SRPK2: variants seen among roughly 807,000 people sequenced by gnomAD.
SRPK2 encodes the protein SFRS protein kinase 2.
In SRPK2, 21 loss-of-function variants were observed where a neutral mutation model predicts 90.8. The ratio of observed to expected loss-of-function variants is 0.23; its 90% CI spans 0.16 to 0.33. SRPK2 has a LOEUF of 0.33. Among genes scored for constraint, SRPK2 ranks in the 10% least tolerant of loss-of-function variants. The pLI, the probability that SRPK2 is intolerant of heterozygous loss-of-function variation, is 1.00. For synonymous variants in SRPK2, 288 were observed against 311.1 expected (o/e 0.93, Z 0.78); for missense variants, 620 against 869.0 (o/e 0.71, Z 3.60).
At chr7:105,259,241 TAACA>T (rs1259553470) in intron 2 of SRPK2, among the ~76,000 whole-genome samples, 12 of 151,748 alleles carry the variant, frequency 7.9e-5, no homozygotes, top group Admixed American at 7.2e-4. Flanking sequence ...TATACACCAA[TAACA>T]AACAGAGAGC....
At chr7:105,228,836 G>C (rs1460893878) in intron 2 of SRPK2, among the ~76,000 whole-genome samples, 3 of 152,222 alleles carry the variant, frequency 2.0e-5, no homozygotes, top group African/African-American at 7.2e-5. Context: ...CAGCCAGCCG[G>C]ATCCCGCACT....
At chr7:105,141,948 T>C in intron 11 of SRPK2, 60 bp downstream of exon 11, 9 of 1,535,642 alleles carry the variant, frequency 5.9e-6, no homozygotes, top group Non-Finnish European at 7.9e-6. Context: ...TCACAGCATT[T>C]GTTAAAGGCA....
intron 7 of SRPK2, among the ~76,000 whole-genome samples, chr7:105,147,940 G>A (rs1352293501): frequency 1.3e-5 from 2 of 152,066 alleles, no homozygotes; most frequent in Non-Finnish European, 2.9e-5. Context: ...TCACTTTAGG[G>A]GCTATAAAAA....
At chr7:105,236,454 T>C (rs1369789346) in intron 2 of SRPK2, among the ~76,000 whole-genome samples, 1 of 152,136 alleles carries the variant, frequency 6.6e-6, no homozygotes, top group Non-Finnish European at 1.5e-5. Context: ...TGGTGTAAAT[T>C]ATCACTTACA....
intron 2 of SRPK2, among the ~76,000 whole-genome samples, chr7:105,285,445 T>C (rs1426660919): frequency 1.3e-5 from 2 of 149,730 alleles, no homozygotes; most frequent in Non-Finnish European, 3.0e-5. Context: ...ATTTTAAGCA[T>C]GAAACAGTGC....
At chr7:105,228,503 A>G (rs772468104) in intron 2 of SRPK2, among the ~76,000 whole-genome samples, 2 of 152,214 alleles carry the variant, frequency 1.3e-5, no homozygotes, top group Non-Finnish European at 2.9e-5. Flanking sequence ...AAGAATGTAG[A>G]AAGATTATGT....
intron 3 of SRPK2, among the ~76,000 whole-genome samples, chr7:105,175,576 A>T (rs1248703352): frequency 6.6e-6 from 1 of 152,174 alleles, no homozygotes; most frequent in Non-Finnish European, 1.5e-5. Context: ...AAATCAGTGA[A>T]AACAAAAGCT....
At chr7:105,297,337 C>T in intron 2 of SRPK2, 1 of 365,524 alleles carries the variant, frequency 2.7e-6, no homozygotes, top group Non-Finnish European at 3.8e-6. Context: ...ATCTGTGGTC[C>T]ATAAATCACA....
intron 13 of SRPK2, among the ~76,000 whole-genome samples, chr7:105,127,382 G>A (rs887673625): frequency 2.0e-5 from 3 of 152,296 alleles, no homozygotes; most frequent in South Asian, 2.1e-4. Flanking sequence ...ATGGTAGAAC[G>A]AGAGTTCAAC....
At chr7:105,388,514 G>C in intron 2 of SRPK2, 134 bp downstream of exon 2, 1 of 546,612 alleles carries the variant, frequency 1.8e-6, no homozygotes, top group Non-Finnish European at 2.6e-6. Context: ...CCGGGGGCAG[G>C]AGCCGAGCGC....
intron 2 of SRPK2, among the ~76,000 whole-genome samples, chr7:105,205,040 G>T (rs1796022818): frequency 6.6e-6 from 1 of 152,150 alleles, no homozygotes; most frequent in Non-Finnish European, 1.5e-5. Flanking sequence ...CAGGGTCTTA[G>T]CAATGCAAGC....
chr7:105,235,059 C>T (rs960907740), intron 2 of SRPK2, among the ~76,000 whole-genome samples: 6 of 146,046 alleles, frequency 4.1e-5, no homozygotes, highest in African/African-American at 1.5e-4. Context: ...TATGTGTGGC[C>T]CAAGCCAATT....
At chr7:105,389,237 T>A (rs1003392126), upstream of SRPK2, 1 of 1,249,320 alleles carries the variant, frequency 8.0e-7, no homozygotes, top group Non-Finnish European at 1.0e-6. Flanking sequence ...GCCTCTCCCC[T>A]CCGCACCCCG....
chr7:105,230,446 G>C (rs1229678008), intron 2 of SRPK2, among the ~76,000 whole-genome samples: 2 of 152,188 alleles, frequency 1.3e-5, no homozygotes, highest in Non-Finnish European at 2.9e-5. Context: ...GTAAGCAGTA[G>C]ATAGAGAATA....
chr7:105,285,551 C>A (rs114105818), intron 2 of SRPK2, among the ~76,000 whole-genome samples: 128 of 151,964 alleles, frequency 8.4e-4, no homozygotes, highest in African/African-American at 3.0e-3. Flanking sequence ...AAATGTAATC[C>A]CCAGTTTTGG....
At chr7:105,287,285 G>GAA (rs1212254616) in intron 2 of SRPK2, among the ~76,000 whole-genome samples, 5 of 25,648 alleles carry the variant, frequency 1.9e-4, no homozygotes, top group East Asian at 2.9e-3. Flanking sequence ...AAAAAAAAAA[G>GAA]AAGAAAAGGA....
At position 105,149,661 on chromosome 7, in the gene SRPK2, C is replaced by T. The variant is rs141767801; in HGVS notation, c.622-3003G>A. On this transcript the variant is annotated intron_variant, in intron 7 of 15. Coordinates refer to ENST00000393651, the MANE Select transcript of SRPK2 (RefSeq NM_182692.3). ...ACAGGTGTGGAGGGGCAGGCCACTC[C>T]TTCAATCCAACACTGAAATATTCCC... 3.3e-3 allele frequency among the ~76,000 whole-genome samples: 502 copies of T among 152,288 alleles called. 4 individuals are homozygous for T. Among genetic ancestry groups the T allele is most frequent in the African/African-American group, 0.012 (483 of 41,560 alleles).
rs547219512 is a variant in SRPK2 at position 105,303,087 on chromosome 7, G to C, written c.71+85561C>G. Among the ~76,000 whole-genome samples, 3 of 152,040 alleles carry C rather than the reference G, an allele frequency of 2.0e-5. No individual in the cohort carries two copies. The South Asian group carries it at 6.2e-4, about 32-fold the overall frequency. On this transcript the variant is annotated intron_variant, in intron 2 of 15. Transcript: ENST00000393651. ...AGACTCCGTCTCAAAAAAAAAGGTG[G>C]GGGGGAGAAAATGTGGCACATATAC...
intron 2 of SRPK2, chr7:105,301,647 A>G: frequency 1.2e-6 from 2 of 1,611,460 alleles, no homozygotes; most frequent in East Asian, 4.5e-5. Flanking sequence ...GTGATCCCAA[A>G]GCCTTCTTAA....
Sources: allele counts gnomAD v4.1 joint callset (sites outside exome capture counted in the v4.1 genomes callset), GRCh38; gene constraint gnomAD v4.1.1; transcripts MANE v1.5; gene names NCBI Gene and HGNC (gene_info 2026-07-23, HGNC 2026-07-21).